The following LANCL2 variants were observed in gnomAD, a reference collection of about 807,000 sequenced individuals.
LANCL2 encodes LanC like glutathione S-transferase 2.
Under a neutral mutation model 56.9 loss-of-function variants are expected in LANCL2, and 33 were observed. The observed-to-expected ratio is 0.58, with a 90% CI of 0.44 to 0.78. The LOEUF (loss-of-function observed/expected upper bound fraction) is 0.78. Among genes scored for constraint, LANCL2 ranks in the 30% least tolerant of loss-of-function variants. LANCL2 has a pLI of 0.00. For synonymous variants in LANCL2, 233 were observed against 228.2 expected, an observed-to-expected ratio of 1.02 and a Z score of -0.19; for missense variants, 562 against 580.2, an observed-to-expected ratio of 0.97 and a Z score of 0.32.
At chr7:55,429,590 T>C (rs1790705666) in intron 8 of LANCL2, among the ~76,000 whole-genome samples, 1 of 152,250 alleles carries the variant, frequency 6.6e-6, no homozygotes, top group African/African-American at 2.4e-5. Flanking sequence ...ATGTGTCACA[T>C]GTTTTGCAGA....
At chr7:55,417,970 G>A (rs1366886702) in intron 6 of LANCL2, among the ~76,000 whole-genome samples, 3 of 152,130 alleles carry the variant, frequency 2.0e-5, no homozygotes, top group Non-Finnish European at 4.4e-5. Context: ...ATGAGCCACT[G>A]TGCCTGGCCA....
chr7:55,409,280 G>A (rs528609810), intron 5 of LANCL2, among the ~76,000 whole-genome samples: 2 of 151,372 alleles, frequency 1.3e-5, no homozygotes, highest in East Asian at 4.0e-4. Context: ...TTTTAGTGGA[G>A]ATGGGGTTTC....
intron 6 of LANCL2, among the ~76,000 whole-genome samples, chr7:55,424,459 G>A (rs1249023745): frequency 6.6e-6 from 1 of 152,186 alleles, no homozygotes; most frequent in Non-Finnish European, 1.5e-5. Flanking sequence ...ACTGATCAGT[G>A]TATTGGATAC....
At chr7:55,408,117 G>A (rs1348772707) in intron 5 of LANCL2, among the ~76,000 whole-genome samples, 2 of 152,176 alleles carry the variant, frequency 1.3e-5, no homozygotes, top group Non-Finnish European at 2.9e-5. Flanking sequence ...AGAAGCTGTT[G>A]CATCCAAGAA....
chr7:55,406,584 T>G (rs1158497172), intron 5 of LANCL2, among the ~76,000 whole-genome samples: 1 of 152,200 alleles, frequency 6.6e-6, no homozygotes, highest in African/African-American at 2.4e-5. Flanking sequence ...AGAAAGGGTC[T>G]GCTCAGTGAG....
chr7:55,377,340 A>T (rs1456652022), intron 1 of LANCL2, among the ~76,000 whole-genome samples: 1 of 152,218 alleles, frequency 6.6e-6, no homozygotes, highest in Non-Finnish European at 1.5e-5. Context: ...ATGAATAAAA[A>T]GGAATTTAAT....
At chr7:55,369,592 C>T (rs1789914560) in intron 1 of LANCL2, among the ~76,000 whole-genome samples, 1 of 152,190 alleles carries the variant, frequency 6.6e-6, no homozygotes, top group African/African-American at 2.4e-5. Context: ...CTTAGTTACT[C>T]ATCTAACAGC....
At position 55,365,947 on chromosome 7, in the gene LANCL2, C is replaced by T. The variant is rs1306766411; in HGVS notation, c.-79C>T. 8.4e-6 allele frequency: 10 copies of T among 1,191,050 alleles called. No homozygotes were observed. In the South Asian group the frequency reaches 1.6e-4, roughly 19 times the overall value. The allele number at this position is 1,191,050 out of a possible 1,614,324, so 73.8% of individuals were successfully genotyped here. A position where few individuals can be genotyped will look rare whatever the true frequency, so the allele number is the denominator to read the frequency against. On this transcript the variant is annotated 5_prime_UTR_variant, in exon 1 of 9. Coordinates refer to ENST00000254770, the MANE Select transcript of LANCL2 (RefSeq NM_018697.4). ...AGAGGACGCTCTCTGCGCGGGCCCTCGGAGGAGGCGGCGGCGGGGCGAGCT... is the reference window on the plus strand; with the variant it reads ...AGAGGACGCTCTCTGCGCGGGCCCTTGGAGGAGGCGGCGGCGGGGCGAGCT...
chr7:55,375,970 C>A (rs1443454343), intron 1 of LANCL2, among the ~76,000 whole-genome samples: 1 of 152,182 alleles, frequency 6.6e-6, no homozygotes, highest in African/African-American at 2.4e-5. Context: ...ACCTTCTGCC[C>A]TATATTTCTG....
intron 1 of LANCL2, among the ~76,000 whole-genome samples, chr7:55,382,005 G>C (rs1480379375): frequency 6.6e-6 from 1 of 152,196 alleles, no homozygotes; most frequent in African/African-American, 2.4e-5. Context: ...TTTAAGTCCT[G>C]CTTTTAGGTA....
intron 8 of LANCL2, among the ~76,000 whole-genome samples, chr7:55,430,805 G>T (rs559679510): frequency 2.6e-5 from 4 of 152,178 alleles, no homozygotes; most frequent in African/African-American, 9.6e-5. Flanking sequence ...ATTTGGGGTG[G>T]GGATTTTGAC....
chr7:55,389,910 A>G (rs1327173668), intron 1 of LANCL2, among the ~76,000 whole-genome samples: 1 of 152,218 alleles, frequency 6.6e-6, no homozygotes, highest in Non-Finnish European at 1.5e-5. Flanking sequence ...CTTCAGTTTT[A>G]CAAGTCAGAA....
At chr7:55,385,182 C>T (rs6946519) in intron 1 of LANCL2, among the ~76,000 whole-genome samples, 53,416 of 151,606 alleles carry the variant, frequency 0.35, 9,888 homozygotes, top group African/African-American at 0.42. Context: ...AGTGAAACCC[C>T]GTCTGAAAAA....
intron 1 of LANCL2, among the ~76,000 whole-genome samples, chr7:55,373,141 GA>G (rs1408192071): frequency 6.6e-6 from 1 of 152,058 alleles, no homozygotes; most frequent in Non-Finnish European, 1.5e-5. Flanking sequence ...CAGGAGCTCT[GA>G]ACACTTAATT....
At chr7:55,396,404 G>T (rs895910126) in intron 2 of LANCL2, among the ~76,000 whole-genome samples, 1 of 152,202 alleles carries the variant, frequency 6.6e-6, no homozygotes, top group Non-Finnish European at 1.5e-5. Flanking sequence ...AGGGTTTATC[G>T]CAGCCCCGCC....
At chr7:55,426,146 C>G (rs1426039140) in intron 7 of LANCL2, among the ~76,000 whole-genome samples, 3 of 152,172 alleles carry the variant, frequency 2.0e-5, no homozygotes, top group African/African-American at 7.2e-5. Context: ...GATGATCACT[C>G]AGTTGCTCAT....
chr7:55,382,382 G>A (rs1410255482), intron 1 of LANCL2, among the ~76,000 whole-genome samples: 1 of 152,194 alleles, frequency 6.6e-6, no homozygotes, highest in Non-Finnish European at 1.5e-5. Context: ...CCTTAGCAGG[G>A]GAGTGGAGAA....
chr7:55,378,763 G>T (rs1172973951), intron 1 of LANCL2, among the ~76,000 whole-genome samples: 1 of 152,200 alleles, frequency 6.6e-6, no homozygotes, highest in Non-Finnish European at 1.5e-5. Flanking sequence ...AAAGGGCAGA[G>T]AAATGAAAGG....
chr7:55,425,509 G>A (rs1209851630), intron 7 of LANCL2, 79 bp downstream of exon 7: 4 of 1,327,662 alleles, frequency 3.0e-6, no homozygotes, highest in Admixed American at 2.0e-5. Flanking sequence ...TACAACTCCT[G>A]TTCCTTCTTT....
Sources: gnomAD v4.1 joint callset for allele counts (sites outside exome capture counted in the v4.1 genomes callset) on GRCh38, gnomAD v4.1.1 for gene constraint, MANE v1.5 for transcripts, NCBI Gene and HGNC (gene_info 2026-07-23, HGNC 2026-07-21) for gene names.